SNX31: variants seen among roughly 807,000 people sequenced by gnomAD.
SNX31 encodes the protein sorting nexin-31.
In SNX31, 58 loss-of-function variants were observed where a neutral mutation model predicts 65.4. That is an observed-to-expected ratio of 0.89 (90% confidence interval 0.72 to 1.10). SNX31 has a LOEUF of 1.10. Among genes scored for constraint, SNX31 ranks in the 50% least tolerant of loss-of-function variants. The probability of loss-of-function intolerance (pLI) is 0.00; values close to 1 mark genes in which losing one functional copy is unlikely to be tolerated. For synonymous variants in SNX31, 181 were observed against 190.1 expected, an observed-to-expected ratio of 0.95 and a Z score of 0.39; for missense variants, 523 against 529.7, an observed-to-expected ratio of 0.99 and a Z score of 0.12.
At chr8:100,589,824 T>C (rs934917668) in intron 10 of SNX31, among the ~76,000 whole-genome samples, 6 of 152,218 alleles carry the variant, frequency 3.9e-5, no homozygotes, top group African/African-American at 1.2e-4. Context: ...GAGTCTCAAA[T>C]ACCCTTGGAA....
rs773190440 is a variant in SNX31 at position 100,584,140 on chromosome 8, C to T, written c.1141G>A (p.Val381Ile). 1 of 1,603,080 alleles carries T rather than the reference C, an allele frequency of 6.2e-7. No homozygotes were observed. The highest frequency in any genetic ancestry group is 1.7e-5 in the Admixed American group (1 of 57,986). The change falls in exon 12 of 14, where the codon GTA becomes ATA. Residue 381 changes from valine to isoleucine, a missense_variant. Transcript: ENST00000311812. Reference sequence around the variant, plus strand: ...TCTGTATTCTCAGCAGCTAGCTTTACCATCTTTTCTGAGATCATCTTTTTC... The same window carrying T: ...TCTGTATTCTCAGCAGCTAGCTTTATCATCTTTTCTGAGATCATCTTTTTC... ...CLKKMISEKM[V>I]KLAAENTEMQ... is the part of the protein sequence containing the mutation.
upstream of SNX31, among the ~76,000 whole-genome samples, chr8:100,652,200 G>A (rs536778554): frequency 2.3e-4 from 35 of 152,086 alleles, no homozygotes; most frequent in East Asian, 6.2e-3. Flanking sequence ...GGATGGTCTC[G>A]ATCTCCTGAC....
At chr8:100,632,660 C>A (rs1270816458) in intron 3 of SNX31, among the ~76,000 whole-genome samples, 1 of 152,012 alleles carries the variant, frequency 6.6e-6, no homozygotes, top group Non-Finnish European at 1.5e-5. Flanking sequence ...CTCCATCTGT[C>A]ACCCAAGCTG....
chr8:100,617,644 T>G lies in SNX31; in HGVS notation c.408A>C (p.Ser136=). The G allele has an allele frequency of 6.2e-7, 1 of 1,612,546 alleles. No individual in the cohort carries two copies. The highest frequency in any genetic ancestry group is 8.5e-7 in the Non-Finnish European group (1 of 1,178,738). Reference sequence around the variant, plus strand: ...CCTCTAGGACTCTTTCAGCAGTGTCTGATGTTATAATTTCGATTCTAATAC... The same window carrying G: ...CCTCTAGGACTCTTTCAGCAGTGTCGGATGTTATAATTTCGATTCTAATAC... ...EQSIRIEIIT[S]DTAERVLEVV... The change falls in exon 5 of 14, where the codon TCA becomes TCC. Residue 136 remains serine (S), a synonymous_variant. Transcript: ENST00000311812.
chr8:100,616,186 A>G (rs937026934), intron 5 of SNX31, among the ~76,000 whole-genome samples: 1 of 152,224 alleles, frequency 6.6e-6, no homozygotes, highest in African/African-American at 2.4e-5. Context: ...TATGTGGCAC[A>G]TGACTGTAAT....
At chr8:100,580,662 G>T (rs1397620019) in intron 12 of SNX31, among the ~76,000 whole-genome samples, 2 of 152,202 alleles carry the variant, frequency 1.3e-5, no homozygotes, top group Non-Finnish European at 2.9e-5. Flanking sequence ...TTTTGGGGAT[G>T]AGGTGAAAGC....
intron 2 of SNX31, among the ~76,000 whole-genome samples, chr8:100,643,388 T>C (rs981440825): frequency 1.3e-5 from 2 of 152,032 alleles, no homozygotes; most frequent in Admixed American, 1.3e-4. Flanking sequence ...CTGGGACAAG[T>C]AGAATTACAG....
rs751239324 is a variant in SNX31 at position 100,625,132 on chromosome 8, A to G, written c.321+5195T>C. On this transcript the variant is annotated intron_variant, in intron 4 of 13. Coordinates refer to ENST00000311812, the MANE Select transcript of SNX31 (RefSeq NM_152628.4). The surrounding 1 kb of genome is among the most constrained non-coding windows in gnomAD (Gnocchi z 4.2). ...GGCCCAGCTGCCATACTTATCTATA[A>G]TGCAGCAGGAATGAAAAAATGCAAT... Among the ~76,000 whole-genome samples, 4 of 152,146 alleles carry G rather than the reference A, an allele frequency of 2.6e-5. No individual in the cohort carries two copies. Among genetic ancestry groups the G allele is most frequent in the Non-Finnish European group, 5.9e-5 (4 of 68,034 alleles).
Position 100,596,863 on chromosome 8 carries a change from T to TG in SNX31, c.775-22dup, listed in dbSNP as rs1161755529. 4.3e-6 allele frequency: 7 copies of TG among 1,610,636 alleles called. 1 individual carries two copies. Among genetic ancestry groups the TG allele is most frequent in the East Asian group, 2.2e-5 (1 of 44,854 alleles). On this transcript the variant is annotated intron_variant, in intron 9 of 13. Coordinates refer to ENST00000311812, the MANE Select transcript of SNX31 (RefSeq NM_152628.4). ...AAAAACTGCTCCAAAGAGGGTGATGTGGGGGGAGGGGAGGCAAGAGGAAGC... is the reference window on the plus strand; with the variant it reads ...AAAAACTGCTCCAAAGAGGGTGATGTGGGGGGGAGGGGAGGCAAGAGGAAGC...
chr8:100,614,475 C>T lies in SNX31; in HGVS notation c.433-1390G>A, dbSNP rs988547326. Among the ~76,000 whole-genome samples, 3 of 152,094 alleles carry T rather than the reference C, an allele frequency of 2.0e-5. No homozygotes were observed. The highest frequency in any genetic ancestry group is 4.4e-5 in the Non-Finnish European group (3 of 68,006). On this transcript the variant is annotated intron_variant, in intron 5 of 13. Coordinates refer to ENST00000311812, the MANE Select transcript of SNX31 (RefSeq NM_152628.4). This position sits in a 1 kb window ranked among gnomAD's most constrained non-coding sequence, Gnocchi z 5.1. ...AGGAGTGAGCATCAGCAAAAAAATA[C>T]GTAATAATATTTTTCCTCTTAGCAA...
chr8:100,649,887 T>C (rs540183705), upstream of SNX31, among the ~76,000 whole-genome samples: 1 of 152,264 alleles, frequency 6.6e-6, no homozygotes, highest in Non-Finnish European at 1.5e-5. Flanking sequence ...AGTGCACTAA[T>C]TAAGATTTCT....
chr8:100,616,556 T>A (rs889182241), intron 5 of SNX31, among the ~76,000 whole-genome samples: 6 of 152,204 alleles, frequency 3.9e-5, no homozygotes, highest in African/African-American at 1.4e-4. Context: ...CTTTTGATAC[T>A]TTTTAGAAAG....
chr8:100,616,076 A>T (rs547337496), intron 5 of SNX31, among the ~76,000 whole-genome samples: 31 of 152,314 alleles, frequency 2.0e-4, no homozygotes, highest in African/African-American at 6.7e-4. Flanking sequence ...GCCTGGCCAA[A>T]ACATATCTAG....
At chr8:100,644,143 G>A (rs566664734) in intron 2 of SNX31, among the ~76,000 whole-genome samples, 1 of 151,892 alleles carries the variant, frequency 6.6e-6, no homozygotes, top group Non-Finnish European at 1.5e-5. Context: ...CAGAGGGGAA[G>A]CAGCCAAGTT....
chr8:100,582,709 G>C (rs1813656370), intron 12 of SNX31, among the ~76,000 whole-genome samples: 2 of 152,094 alleles, frequency 1.3e-5, no homozygotes, highest in Admixed American at 1.3e-4. Context: ...CGGGTGCGGT[G>C]GCTCATGCCT....
In SNX31 at chr8:100,609,261, T is replaced by G. The variant is rs1422978384; in HGVS notation, c.612-698A>C. The stretch of plus-strand genomic sequence containing the variant: ...GCCCTCACCAGTCTCCTCCCCTGAC[T>G]GATTGGCCTTTCTTTGCAAGCCTTA... On this transcript the variant is annotated intron_variant, in intron 7 of 13. Transcript: ENST00000311812. The surrounding 1 kb of genome is among the most constrained non-coding windows in gnomAD (Gnocchi z 4.9). Among the ~76,000 whole-genome samples, 1 of 152,206 alleles carries G rather than the reference T, an allele frequency of 6.6e-6. No homozygotes were observed. The highest frequency in any genetic ancestry group is 2.4e-5 in the African/African-American group (1 of 41,450).
chr8:100,591,949 C>T (rs1814626759), intron 10 of SNX31, among the ~76,000 whole-genome samples: 2 of 152,112 alleles, frequency 1.3e-5, no homozygotes, highest in Admixed American at 6.5e-5. Context: ...AAATTTGCAA[C>T]GTTTAGCATG....
At chr8:100,590,155 G>C (rs1305725706) in intron 10 of SNX31, among the ~76,000 whole-genome samples, 1 of 152,138 alleles carries the variant, frequency 6.6e-6, no homozygotes, top group Non-Finnish European at 1.5e-5. Flanking sequence ...TGCCAACAAA[G>C]AGCCCTAACT....
intron 8 of SNX31, 78 bp downstream of exon 8, chr8:100,608,416 C>T (rs909151288): frequency 8.2e-6 from 11 of 1,337,000 alleles, no homozygotes; most frequent in Admixed American, 5.2e-5. Context: ...TTACTAACTG[C>T]CACATAATTT....
Sources: allele counts gnomAD v4.1 joint callset (sites outside exome capture counted in the v4.1 genomes callset), GRCh38; gene constraint gnomAD v4.1.1; non-coding constraint Gnocchi (gnomAD v3.1); transcripts MANE v1.5; gene names NCBI Gene and HGNC (gene_info 2026-07-23, HGNC 2026-07-21).